BMPER: variants seen among roughly 807,000 people sequenced by gnomAD.
BMPER encodes BMP binding endothelial regulator.
In BMPER, 45 loss-of-function variants were observed where a neutral mutation model predicts 87.3. That is an observed-to-expected ratio of 0.52 (90% CI 0.41 to 0.66). The LOEUF is 0.66. Ranked by LOEUF, BMPER falls within the 30% of genes least tolerant of loss-of-function variation. The probability of loss-of-function intolerance (pLI) is 0.00; values close to 1 mark genes in which losing one functional copy is unlikely to be tolerated. For missense variants in BMPER, 784 were observed against 867.5 expected (o/e 0.90, Z 1.21); for synonymous variants, 326 against 316.2 (o/e 1.03, Z -0.33).
At chr7:33,956,314 A>T (rs1038065495) in intron 3 of BMPER, among the ~76,000 whole-genome samples, 1 of 152,198 alleles carries the variant, frequency 6.6e-6, no homozygotes, top group Non-Finnish European at 1.5e-5. Context: ...TAGGCAAAAG[A>T]TATGAAGAGA....
chr7:34,029,468 A>G (rs1423252811), intron 6 of BMPER, among the ~76,000 whole-genome samples: 1 of 152,070 alleles, frequency 6.6e-6, no homozygotes, highest in African/African-American at 2.4e-5. Context: ...TGCTGCTCCC[A>G]GCTTGTTGTC....
At chr7:33,974,379 T>C (rs1277879955) in intron 5 of BMPER, among the ~76,000 whole-genome samples, 3 of 152,014 alleles carry the variant, frequency 2.0e-5, no homozygotes, top group Non-Finnish European at 4.4e-5. Context: ...CCCCCCTGGG[T>C]TTGGTCCCTC....
chr7:33,930,187 C>T (rs1585647326), intron 2 of BMPER, among the ~76,000 whole-genome samples: 1 of 152,048 alleles, frequency 6.6e-6, no homozygotes, highest in African/African-American at 2.4e-5. Flanking sequence ...AAATGGTTTT[C>T]TTCATGTTGT....
chr7:34,062,956 G>C (rs1164515444), intron 11 of BMPER, among the ~76,000 whole-genome samples: 1 of 152,176 alleles, frequency 6.6e-6, no homozygotes, highest in Non-Finnish European at 1.5e-5. Context: ...TCTGAAAACT[G>C]TCTGAGACTG....
intron 6 of BMPER, among the ~76,000 whole-genome samples, chr7:34,037,789 C>G (rs1585763267): frequency 6.6e-6 from 1 of 152,196 alleles, no homozygotes; most frequent in Admixed American, 6.5e-5. Context: ...AAGACGAAAA[C>G]ATTGGATTGT....
chr7:34,081,758 A>T (rs1008937576), intron 12 of BMPER, among the ~76,000 whole-genome samples: 1 of 152,198 alleles, frequency 6.6e-6, no homozygotes, highest in South Asian at 2.1e-4. Context: ...AGAGCTTTAC[A>T]CTTGATGAAC....
chr7:34,020,486 A>ATG (rs1787150177), intron 6 of BMPER, among the ~76,000 whole-genome samples: 1 of 152,072 alleles, frequency 6.6e-6, no homozygotes, highest in African/African-American at 2.4e-5. Context: ...TAAGAATTCC[A>ATG]TGGGATGCTT....
intron 2 of BMPER, among the ~76,000 whole-genome samples, chr7:33,930,827 G>A (rs906532201): frequency 1.3e-5 from 2 of 152,162 alleles, no homozygotes; most frequent in African/African-American, 4.8e-5. Context: ...GTACATGCCT[G>A]TAGTCCCAGC....
intron 6 of BMPER, among the ~76,000 whole-genome samples, chr7:33,991,216 G>T (rs918291782): frequency 3.3e-5 from 5 of 150,466 alleles, no homozygotes; most frequent in African/African-American, 9.7e-5. Context: ...TGTACCTCTG[G>T]TAGAATTCGG....
chr7:33,926,996 C>T (rs899171943), intron 2 of BMPER, among the ~76,000 whole-genome samples: 3 of 152,338 alleles, frequency 2.0e-5, no homozygotes, highest in South Asian at 4.1e-4. Flanking sequence ...AGCTGATCGG[C>T]TTTTCATCCC....
At chr7:34,035,688 C>T (rs1787644443) in intron 6 of BMPER, among the ~76,000 whole-genome samples, 1 of 152,120 alleles carries the variant, frequency 6.6e-6, no homozygotes, top group South Asian at 2.1e-4. Context: ...TAACTGAAAA[C>T]CAAACACTTC....
intron 2 of BMPER, among the ~76,000 whole-genome samples, chr7:33,935,039 G>A (rs898414716): frequency 6.6e-6 from 1 of 152,082 alleles, no homozygotes; most frequent in Non-Finnish European, 1.5e-5. Context: ...GTGGGAGTTG[G>A]GAGAGATTAT....
intron 6 of BMPER, among the ~76,000 whole-genome samples, chr7:34,031,778 A>G (rs1363472159): frequency 6.6e-6 from 1 of 151,144 alleles, no homozygotes; most frequent in African/African-American, 2.4e-5. Flanking sequence ...CGAGGAAAAT[A>G]GCATTGTTTA....
At chr7:34,022,403 T>A (rs1787216903) in intron 6 of BMPER, among the ~76,000 whole-genome samples, 1 of 151,390 alleles carries the variant, frequency 6.6e-6, no homozygotes, top group Non-Finnish European at 1.5e-5. Context: ...TACAGCCTCT[T>A]AGGGCAGAAA....
intron 6 of BMPER, among the ~76,000 whole-genome samples, chr7:33,995,589 A>G (rs558359937): frequency 6.6e-6 from 1 of 152,296 alleles, no homozygotes; most frequent in South Asian, 2.1e-4. Flanking sequence ...TTAGCATAAA[A>G]CCAGGCCATG....
chr7:34,028,431 T>C (rs1448505758), intron 6 of BMPER, among the ~76,000 whole-genome samples: 5 of 151,886 alleles, frequency 3.3e-5, no homozygotes, highest in Non-Finnish European at 5.9e-5. Flanking sequence ...AGATAAGATA[T>C]AACTCAAGTC....
chr7:34,078,787 G>A (rs982991817), intron 11 of BMPER, 70 bp from the exon 12 acceptor site: 2 of 1,502,532 alleles, frequency 1.3e-6, no homozygotes, highest in Non-Finnish European at 1.9e-6. Flanking sequence ...TACCCAGCAG[G>A]TGCCCCTGAT....
At chr7:33,953,255 TG>T (rs1162170746) in intron 3 of BMPER, among the ~76,000 whole-genome samples, 12 of 152,240 alleles carry the variant, frequency 7.9e-5, no homozygotes, top group Non-Finnish European at 1.3e-4. Flanking sequence ...GGCAAAAGCC[TG>T]GCCTGGTTAA....
upstream of BMPER, chr7:33,905,492 C>G: frequency 1.4e-6 from 2 of 1,425,132 alleles, no homozygotes; most frequent in East Asian, 5.3e-5. Flanking sequence ...CGCCCGCCTC[C>G]CTCCTTCGCG....
Sources: gnomAD v4.1 joint callset for allele counts (sites outside exome capture counted in the v4.1 genomes callset) on GRCh38, gnomAD v4.1.1 for gene constraint, MANE v1.5 for transcripts, NCBI Gene and HGNC (gene_info 2026-07-23, HGNC 2026-07-21) for gene names.